The following DAB2 variants were observed in gnomAD, a reference collection of about 807,000 sequenced individuals.
DAB2 encodes the protein disabled homolog 2.
A neutral mutation model predicts 71.6 loss-of-function variants in DAB2; 28 were observed. The observed-to-expected ratio is 0.39, with a 90% confidence interval of 0.29 to 0.54. DAB2 has a LOEUF of 0.54. DAB2 is among the 20% of genes least tolerant of loss of function. DAB2 has a pLI of 0.68. For missense variants in DAB2, 867 were observed against 928.8 expected (o/e 0.93, Z 0.86); for synonymous variants, 345 against 339.7 (o/e 1.02, Z -0.17).
chr5:39,405,473 G>T (rs1421590612), intron 1 of DAB2, among the ~76,000 whole-genome samples: 3 of 152,336 alleles, frequency 2.0e-5, no homozygotes, highest in Admixed American at 6.5e-5. Flanking sequence ...TCACATTTCT[G>T]TCATTGCCTT....
At chr5:39,405,974 A>G (rs1024210126) in intron 1 of DAB2, among the ~76,000 whole-genome samples, 1 of 152,218 alleles carries the variant, frequency 6.6e-6, no homozygotes, top group African/African-American at 2.4e-5. Context: ...TCTGGGAAAA[A>G]GGATAATATG....
At position 39,382,716 on chromosome 5, in the gene DAB2, C is replaced by A. The variant is rs1460630670; in HGVS notation, c.1243G>T (p.Asp415Tyr). The change falls in exon 10 of 15, where the codon GAC becomes TAC. Residue 415 changes from aspartate (D) to tyrosine (Y), a missense_variant. By Grantham distance (160) the Asp-to-Tyr change is radical. This residue lies in a region of DAB2 where 740 missense variants were observed against 734.3 expected (regional missense o/e 1.01). Coordinates refer to ENST00000320816, the MANE Select transcript of DAB2 (RefSeq NM_001343.4). ...GLSIQNGVKQ[D>Y]LESSVQSSPH... ...GAGGACTGGACAGAGCTTTCCAAGT[C>A]CTGCTTTACGCCATTCTGTATGGAC... The A allele has an allele frequency of 6.2e-7, 1 of 1,614,146 alleles. No homozygotes were observed. The highest frequency in any genetic ancestry group is 1.3e-5 in the African/African-American group (1 of 75,040).
intron 1 of DAB2, among the ~76,000 whole-genome samples, chr5:39,419,415 A>T (rs1032777196): frequency 2.0e-5 from 3 of 152,244 alleles, no homozygotes; most frequent in Non-Finnish European, 4.4e-5. Flanking sequence ...ACTTAATGAT[A>T]ACACCTTGGG....
rs1561363610 is a variant in DAB2 at position 39,375,064 on chromosome 5, T to C, written c.2268A>G (p.Val756=). 1 of 1,611,390 alleles carries C rather than the reference T, an allele frequency of 6.2e-7. No homozygotes were observed. Among genetic ancestry groups the C allele is most frequent in the African/African-American group, 1.3e-5 (1 of 74,938 alleles). ...SQASVASSQP[V]SSEMYRDPFG... ...ATGGATCCCTATACATCTCAGAAGATACAGGTTGAGAAGAAGCCACCTAAG... is the reference window on the plus strand; with the variant it reads ...ATGGATCCCTATACATCTCAGAAGACACAGGTTGAGAAGAAGCCACCTAAG... The change falls in exon 14 of 15, where the codon GTA becomes GTG. Residue 756 remains valine, a synonymous_variant. Coordinates refer to ENST00000320816, the MANE Select transcript of DAB2 (RefSeq NM_001343.4).
rs562295427 is a variant in DAB2, at chr5:39,372,820, T to C, written c.*611A>G. On this transcript the variant is annotated 3_prime_UTR_variant, in exon 15 of 15. Transcript: ENST00000320816. ...AGGACAATCTTGGCCTTGGGAGAAA[T>C]TGATCTTCAGAAAGAAGAGAAGCTA... is the stretch of plus-strand genomic sequence containing the variant. 7 of 152,226 alleles carry C rather than the reference T, an allele frequency of 4.6e-5. No homozygotes were observed. Among genetic ancestry groups the C allele is most frequent in the Admixed American group, 2.0e-4 (3 of 15,270 alleles). 9.4% of individuals were successfully genotyped at this position (152,226 alleles called of 1,614,324 possible).
At chr5:39,383,717 C>G (rs753290969) in intron 9 of DAB2, among the ~76,000 whole-genome samples, 26 of 152,176 alleles carry the variant, frequency 1.7e-4, no homozygotes, top group Non-Finnish European at 3.1e-4. Context: ...CCTACCTATA[C>G]ACATACAGTC....
intron 9 of DAB2, among the ~76,000 whole-genome samples, chr5:39,383,480 T>C (rs1431369553): frequency 1.3e-5 from 2 of 152,190 alleles, no homozygotes; most frequent in Non-Finnish European, 2.9e-5. Flanking sequence ...CCCAATATCA[T>C]GCCCTTTTAT....
intron 4 of DAB2, among the ~76,000 whole-genome samples, chr5:39,390,814 A>G (rs146637511): frequency 6.6e-6 from 1 of 152,226 alleles, no homozygotes; most frequent in Non-Finnish European, 1.5e-5. Context: ...TTGATACTTT[A>G]CTCTCCCTGC....
chr5:39,376,104 G>A lies in DAB2; in HGVS notation c.2140C>T (p.Pro714Ser). The A allele has an allele frequency of 6.2e-7, 1 of 1,612,820 alleles. No homozygotes were observed. The highest frequency in any genetic ancestry group is 8.5e-7 in the Non-Finnish European group (1 of 1,179,232). The change falls in exon 13 of 15, where the codon CCA becomes TCA. Residue 714 changes from proline to serine, a missense_variant and splice_region_variant. Around this residue, in one of 2 missense-constraint regions of DAB2, gnomAD observed 740 missense variants for 734.3 expected, o/e 1.01. Transcript: ENST00000320816. ...ACTTGTCTGGGAGCTGGCTTTGGTG[G>A]TTCTAGAAGGTAAAAAATCCAGGCA... ...ANQLLNKINE[P>S]PKPAPRQVSL... is the part of the protein sequence containing the mutation.
Position 39,389,836 on chromosome 5 carries a change from A to G in DAB2, c.543+16T>C. ...CAGTTTTAAATTTAATAGAGCCTTA[A>G]TCAGGTAGTACTTGCCTTTTTCTTT... On this transcript the variant is annotated intron_variant, in intron 6 of 14. Coordinates refer to ENST00000320816, the MANE Select transcript of DAB2 (RefSeq NM_001343.4). The G allele has an allele frequency of 1.4e-6, 2 of 1,407,240 alleles. No homozygotes were observed. Among genetic ancestry groups the G allele is most frequent in the Non-Finnish European group, 2.0e-6 (2 of 1,005,322 alleles). The allele number at this position is 1,407,240 out of a possible 1,614,324, so 87.2% of individuals were successfully genotyped here.
At chr5:39,401,244 T>G (rs1755489509) in intron 1 of DAB2, among the ~76,000 whole-genome samples, 1 of 152,230 alleles carries the variant, frequency 6.6e-6, no homozygotes, top group Admixed American at 6.5e-5. Context: ...TTGTAAATGC[T>G]GACACTACTG....
chr5:39,412,330 A>G (rs1755750761), intron 1 of DAB2, among the ~76,000 whole-genome samples: 1 of 152,094 alleles, frequency 6.6e-6, no homozygotes, highest in Non-Finnish European at 1.5e-5. Flanking sequence ...CTGGTGATTG[A>G]TCCCAACTTA....
chr5:39,398,587 T>C (rs62358425), intron 1 of DAB2, among the ~76,000 whole-genome samples: 4,189 of 152,270 alleles, frequency 0.028, 89 homozygotes, highest in South Asian at 0.086. Flanking sequence ...TAAGTCTCCA[T>C]TGTAGGCCAT....
chr5:39,394,855 C>T (rs768267831), intron 1 of DAB2, among the ~76,000 whole-genome samples: 1 of 152,170 alleles, frequency 6.6e-6, no homozygotes, highest in Non-Finnish European at 1.5e-5. Context: ...AATTGCTTAA[C>T]TATAAAGGCA....
At chr5:39,385,159 C>T (rs1398652799) in intron 9 of DAB2, 2 of 151,814 alleles carry the variant, frequency 1.3e-5, no homozygotes, top group Admixed American at 6.6e-5. Context: ...AAGAATTTGT[C>T]ACAAGAAAGA....
chr5:39,391,279 C>G (rs1755221311), intron 4 of DAB2, among the ~76,000 whole-genome samples: 1 of 152,026 alleles, frequency 6.6e-6, no homozygotes, highest in African/African-American at 2.4e-5. Flanking sequence ...AGGTTGAACT[C>G]TTTAGGGATA....
At chr5:39,390,641 G>A (rs577364860) in intron 4 of DAB2, 66 bp from the exon 5 acceptor site, 32 of 1,269,614 alleles carry the variant, frequency 2.5e-5, no homozygotes, top group African/African-American at 4.5e-5. Flanking sequence ...CTAGCACACC[G>A]AAGCCTCAGA....
At chr5:39,420,210 G>A (rs574466627) in intron 1 of DAB2, among the ~76,000 whole-genome samples, 1 of 152,322 alleles carries the variant, frequency 6.6e-6, no homozygotes, top group South Asian at 2.1e-4. Context: ...TTGAAAGACT[G>A]AATTAATTTG....
In DAB2 at chr5:39,376,558, G is replaced by C. The variant is rs1754835795; in HGVS notation, c.2137+92C>G. 5 of 1,432,756 alleles carry C rather than the reference G, an allele frequency of 3.5e-6. No homozygotes were observed. The East Asian group carries it at 1.1e-4, about 33-fold the overall frequency. The allele number at this position is 1,432,756 out of a possible 1,614,324, so 88.8% of individuals were successfully genotyped here. A position where few individuals can be genotyped will look rare whatever the true frequency, so the allele number is the denominator to read the frequency against. On this transcript the variant is annotated intron_variant, in intron 12 of 14. Coordinates refer to ENST00000320816, the MANE Select transcript of DAB2 (RefSeq NM_001343.4). ...AGAAGCAAGAGCAAAGCTGTTGGCG[G>C]GTGGGAGAGGGTTCATTTGGGGAAC...
Sources: allele counts gnomAD v4.1 joint callset (sites outside exome capture counted in the v4.1 genomes callset), GRCh38; gene constraint gnomAD v4.1.1; regional missense constraint gnomAD v4.1.1; transcripts MANE v1.5; gene names NCBI Gene and HGNC (gene_info 2026-07-23, HGNC 2026-07-21).